The following PRMT3 variants were observed in gnomAD, a reference collection of about 807,000 sequenced individuals.
PRMT3 encodes protein arginine N-methyltransferase 3.
A neutral mutation model predicts 71.9 loss-of-function variants in PRMT3; 62 were observed. That is an observed-to-expected ratio of 0.86 (90% CI 0.70 to 1.07). The LOEUF (loss-of-function observed/expected upper bound fraction) is 1.07, where lower values mean the gene tolerates loss of function less well. Ranked by LOEUF, PRMT3 falls within the 50% of genes least tolerant of loss-of-function variation. PRMT3 has a pLI of 0.00. For synonymous variants in PRMT3, 213 were observed against 220.4 expected, an observed-to-expected ratio of 0.97 and a Z score of 0.30; for missense variants, 663 against 643.0, an observed-to-expected ratio of 1.03 and a Z score of -0.34.
At chr11:20,446,661 T>C (rs1408215473) in intron 10 of PRMT3, among the ~76,000 whole-genome samples, 1 of 152,160 alleles carries the variant, frequency 6.6e-6, no homozygotes, top group Non-Finnish European at 1.5e-5. Context: ...ATGATACATA[T>C]CAAAATTTTG....
chr11:20,428,230 A>T (rs1345059644), intron 10 of PRMT3, among the ~76,000 whole-genome samples: 1 of 152,226 alleles, frequency 6.6e-6, no homozygotes, highest in Admixed American at 6.5e-5. Context: ...ATTTCTTTAA[A>T]GACTATGAAA....
At chr11:20,487,338 T>C (rs1241834298) in intron 13 of PRMT3, among the ~76,000 whole-genome samples, 2 of 152,162 alleles carry the variant, frequency 1.3e-5, no homozygotes, top group African/African-American at 4.8e-5. Context: ...CTGTCAGCAG[T>C]AGACTAAATT....
At chr11:20,485,067 T>C (rs1851038927) in intron 13 of PRMT3, among the ~76,000 whole-genome samples, 1 of 152,124 alleles carries the variant, frequency 6.6e-6, no homozygotes, top group South Asian at 2.1e-4. Context: ...TGCAGGACTT[T>C]GCATTGGGAC....
At chr11:20,391,555 A>G (rs950087722) in intron 3 of PRMT3, among the ~76,000 whole-genome samples, 1 of 151,870 alleles carries the variant, frequency 6.6e-6, no homozygotes, top group Non-Finnish European at 1.5e-5. Flanking sequence ...AATGTTTTTA[A>G]TGTTGCATTT....
At chr11:20,502,111 A>G (rs7934715) in intron 15 of PRMT3, among the ~76,000 whole-genome samples, 148,180 of 152,336 alleles carry the variant, frequency 0.97, 72,391 homozygotes, top group Middle Eastern at 1. Context: ...CTGCTTTGTG[A>G]TATACTAACA....
chr11:20,392,591 CTTT>C (rs1848738328), intron 4 of PRMT3, among the ~76,000 whole-genome samples: 3 of 138,398 alleles, frequency 2.2e-5, no homozygotes. Flanking sequence ...TTTGGTTGCT[CTTT>C]TTTATTCTGT....
intron 10 of PRMT3, among the ~76,000 whole-genome samples, chr11:20,450,089 G>A (rs1254151994): frequency 6.6e-6 from 1 of 152,128 alleles, no homozygotes; most frequent in Non-Finnish European, 1.5e-5. Flanking sequence ...TGAGCTGAAA[G>A]ATAGAATACT....
At chr11:20,504,133 A>G (rs1317296876) in intron 15 of PRMT3, among the ~76,000 whole-genome samples, 2 of 152,156 alleles carry the variant, frequency 1.3e-5, no homozygotes, top group Admixed American at 1.3e-4. Flanking sequence ...TTCTGCTCAG[A>G]TATTTTGCTT....
intron 7 of PRMT3, among the ~76,000 whole-genome samples, chr11:20,399,479 T>C (rs1848902451): frequency 6.6e-6 from 1 of 152,182 alleles, no homozygotes; most frequent in South Asian, 2.1e-4. Flanking sequence ...TCTCAGTGAA[T>C]TTGTTGAAAA....
rs1182846391 is a variant in PRMT3 at position 20,502,608 on chromosome 11, A to C, written c.1487-5696A>C. On this transcript the variant is annotated intron_variant, in intron 15 of 15. Coordinates refer to ENST00000331079, the MANE Select transcript of PRMT3 (RefSeq NM_005788.4). ...TTTTTATTTCTAAACTGAGGAATGC[A>C]TAGAACTCTTATAGGTACATCCTTT... 2.6e-5 allele frequency among the ~76,000 whole-genome samples: 4 copies of C among 152,232 alleles called. No homozygotes were observed. In the East Asian group the frequency reaches 7.7e-4, roughly 29 times the overall value.
chr11:20,504,596 G>C (rs1851534867), intron 15 of PRMT3, among the ~76,000 whole-genome samples: 1 of 152,154 alleles, frequency 6.6e-6, no homozygotes, highest in Admixed American at 6.6e-5. Context: ...TCACGAGAGA[G>C]TGGGTCTCTC....
chr11:20,486,678 T>A (rs1204921195), intron 13 of PRMT3, among the ~76,000 whole-genome samples: 3 of 152,042 alleles, frequency 2.0e-5, no homozygotes, highest in African/African-American at 7.2e-5. Context: ...CAGAAGAAAT[T>A]GTAATGATGA....
At chr11:20,392,843 G>A (rs1848745500) in intron 4 of PRMT3, 54 bp from the exon 5 acceptor site, 1 of 1,128,686 alleles carries the variant, frequency 8.9e-7, no homozygotes, top group Non-Finnish European at 1.3e-6. Flanking sequence ...TTTTACTAAG[G>A]GGATTTTGTG....
At chr11:20,428,060 C>G (rs1172250265) in intron 10 of PRMT3, among the ~76,000 whole-genome samples, 1 of 150,506 alleles carries the variant, frequency 6.6e-6, no homozygotes, top group South Asian at 2.1e-4. Flanking sequence ...TTGACAGTTA[C>G]TATTTTGTAT....
chr11:20,467,605 T>C (rs1213755194), intron 13 of PRMT3, among the ~76,000 whole-genome samples: 2 of 93,880 alleles, frequency 2.1e-5, no homozygotes, highest in Non-Finnish European at 4.3e-5. Flanking sequence ...AGAGAATATG[T>C]ATAATCAGAA....
At chr11:20,458,685 A>T (rs1850319550) in intron 11 of PRMT3, among the ~76,000 whole-genome samples, 1 of 152,220 alleles carries the variant, frequency 6.6e-6, no homozygotes, top group South Asian at 2.1e-4. Context: ...AACACTGATT[A>T]CATATCCTTA....
chr11:20,464,127 G>A (rs963659776), intron 12 of PRMT3, among the ~76,000 whole-genome samples: 1 of 152,132 alleles, frequency 6.6e-6, no homozygotes. Context: ...GTGAAACACA[G>A]GAAAACATTT....
chr11:20,433,969 A>T (rs564029334), intron 10 of PRMT3, among the ~76,000 whole-genome samples: 2 of 152,174 alleles, frequency 1.3e-5, no homozygotes, highest in South Asian at 4.1e-4. Context: ...TGCTTTCCAC[A>T]ATGTTTGACC....
At chr11:20,446,392 A>T (rs1306708714) in intron 10 of PRMT3, among the ~76,000 whole-genome samples, 2 of 150,464 alleles carry the variant, frequency 1.3e-5, no homozygotes, top group Admixed American at 1.3e-4. Flanking sequence ...TTCATTGGTG[A>T]TGGAAAATAT....
Sources: gnomAD v4.1 joint callset for allele counts (sites outside exome capture counted in the v4.1 genomes callset) on GRCh38, gnomAD v4.1.1 for gene constraint, MANE v1.5 for transcripts, NCBI Gene and HGNC (gene_info 2026-07-23, HGNC 2026-07-21) for gene names.